The following CDKL4 variants were observed in gnomAD, a reference collection of about 807,000 sequenced individuals.
CDKL4 encodes the protein cyclin-dependent kinase-like 4.
Under a neutral mutation model 42.0 loss-of-function variants are expected in CDKL4, and 44 were observed. The observed-to-expected ratio is 1.05, with a 90% CI of 0.82 to 1.35. The LOEUF (loss-of-function observed/expected upper bound fraction) is 1.35. Among genes scored for constraint, CDKL4 ranks in the 40% most tolerant of loss-of-function variants. The pLI is 0.00. For missense variants in CDKL4, 393 were observed against 369.9 expected (o/e 1.06, Z -0.51); for synonymous variants, 120 against 121.6 (o/e 0.99, Z 0.09).
chr2:39,207,591 G>T (rs1011782407), intron 4 of CDKL4, among the ~76,000 whole-genome samples: 3 of 152,084 alleles, frequency 2.0e-5, no homozygotes, highest in African/African-American at 7.2e-5. Context: ...CCAAGTAAAT[G>T]GATTTACATC....
chr2:39,185,107 A>AATAT (rs201572028), intron 7 of CDKL4, among the ~76,000 whole-genome samples: 5 of 139,236 alleles, frequency 3.6e-5, no homozygotes, highest in African/African-American at 1.4e-4. Flanking sequence ...ATTCATTTTA[A>AATAT]ATATATATAT....
rs1157664313 is a variant in CDKL4, at chr2:39,233,563, C to T, written c.-56-3975G>A. 3.3e-5 allele frequency among the ~76,000 whole-genome samples: 5 copies of T among 152,156 alleles called. 1 individual carries two copies. The highest frequency in any genetic ancestry group is 1.2e-4 in the African/African-American group (5 of 41,438). ...CATCAATGAAAGAAACTGCATTTTA[C>T]TACAGTGACAGAAAACACTCTCTTG... On this transcript the variant is annotated intron_variant, in intron 1 of 9. Coordinates refer to ENST00000451199, the Ensembl canonical transcript of CDKL4.
chr2:39,172,532 G>T (rs1471392812), downstream of CDKL4, among the ~76,000 whole-genome samples: 1 of 152,078 alleles, frequency 6.6e-6, no homozygotes, highest in Non-Finnish European at 1.5e-5. Flanking sequence ...CTGTGGCCTG[G>T]GCCACCCAGG....
At position 39,229,602 on chromosome 2, in the gene CDKL4, T is replaced by C; in HGVS notation, c.-56-14A>G. Reference sequence around the variant, plus strand: ...ACAATGCTGCACCTGGAAAATAAGGTAGACTTGCCTTAATCAAGCTATAAA... The same window carrying C: ...ACAATGCTGCACCTGGAAAATAAGGCAGACTTGCCTTAATCAAGCTATAAA... On this transcript the variant is annotated splice_polypyrimidine_tract_variant and intron_variant, in intron 1 of 9. Coordinates refer to ENST00000451199, the Ensembl canonical transcript of CDKL4. The C allele has an allele frequency of 8.1e-7, 1 of 1,230,526 alleles. No homozygotes were observed. Among genetic ancestry groups the C allele is most frequent in the Non-Finnish European group, 1.1e-6 (1 of 879,052 alleles). The allele number at this position is 1,230,526 out of a possible 1,614,324, so 76.2% of individuals were successfully genotyped here. A position where few individuals can be genotyped will look rare whatever the true frequency, so the allele number is the denominator to read the frequency against.
At chr2:39,169,754 G>T in the CDKL4 span, among the ~76,000 whole-genome samples, 1 of 152,146 alleles carries the variant, frequency 6.6e-6, no homozygotes, top group African/African-American at 2.4e-5. Flanking sequence ...CAAACTTCCA[G>T]ACCAAATGAT....
At chr2:39,191,134 C>A (rs7590889) in intron 5 of CDKL4, among the ~76,000 whole-genome samples, 26 of 152,110 alleles carry the variant, frequency 1.7e-4, no homozygotes, top group Non-Finnish European at 3.4e-4. Context: ...CATGGTGGCT[C>A]ATGCCTCTCA....
intron 4 of CDKL4, among the ~76,000 whole-genome samples, chr2:39,209,129 T>A (rs1257158469): frequency 6.9e-6 from 1 of 144,324 alleles, no homozygotes; most frequent in African/African-American, 2.6e-5. Context: ...AATGAGACTA[T>A]CTCTACAAAA....
downstream of CDKL4, among the ~76,000 whole-genome samples, chr2:39,175,200 T>G (rs1675115958): frequency 6.6e-6 from 1 of 152,196 alleles, no homozygotes; most frequent in African/African-American, 2.4e-5. Context: ...GTACTATCCA[T>G]GAGCTATTCA....
rs1343826091 is a variant in CDKL4, at chr2:39,197,219, C to T, written c.455-6717G>A. On this transcript the variant is annotated intron_variant, in intron 5 of 9. Transcript: ENST00000451199. Reference sequence around the variant, plus strand: ...TCTCAGCAACAGAACTGCACAAGTTCAAGAAAGAACTTCAGCGCTTGAAGA... The same window carrying T: ...TCTCAGCAACAGAACTGCACAAGTTTAAGAAAGAACTTCAGCGCTTGAAGA... 2.0e-5 allele frequency among the ~76,000 whole-genome samples: 3 copies of T among 152,122 alleles called. No homozygotes were observed. In the East Asian group the frequency reaches 5.8e-4, roughly 29 times the overall value.
intron 8 of CDKL4, 27 bp downstream of exon 8, chr2:39,184,564 T>C: frequency 6.5e-7 from 1 of 1,549,312 alleles, no homozygotes. Context: ...TTATAGCTAA[T>C]AAGAGTTATA....
chr2:39,170,457 T>C, the CDKL4 span, among the ~76,000 whole-genome samples: 48 of 152,102 alleles, frequency 3.2e-4, 1 homozygote, highest in African/African-American at 1.2e-3. Context: ...TTTGTTGTTG[T>C]TGTTGTTGTT....
intron 7 of CDKL4, among the ~76,000 whole-genome samples, chr2:39,185,192 A>ACATATG: frequency 2.5e-5 from 2 of 78,660 alleles, no homozygotes; most frequent in African/African-American, 9.6e-5. Context: ...GTGTATATAC[A>ACATATG]TATATATACA....
At chr2:39,216,295 A>G (rs1048643024) in intron 3 of CDKL4, among the ~76,000 whole-genome samples, 3 of 152,166 alleles carry the variant, frequency 2.0e-5, no homozygotes, top group Non-Finnish European at 2.9e-5. Flanking sequence ...AAGAGGGAAG[A>G]GGTGCAGAAT....
At chr2:39,180,751 C>T (rs1215967004) in intron 8 of CDKL4, among the ~76,000 whole-genome samples, 8 of 146,204 alleles carry the variant, frequency 5.5e-5, no homozygotes, top group Non-Finnish European at 1.2e-4. Context: ...AATGCAGTAG[C>T]GCCACCTCGG....
intron 2 of CDKL4, among the ~76,000 whole-genome samples, chr2:39,226,448 TATATATATTATATATATTATATATATATA>T (rs1025973894): frequency 1.5e-4 from 13 of 85,380 alleles, no homozygotes; most frequent in African/African-American, 3.6e-4. Flanking sequence ...ATATATATTA[TATATATATTATATATATTATATATATATA>T]ATATATATTA....
intron 3 of CDKL4, among the ~76,000 whole-genome samples, chr2:39,220,592 T>A (rs961207877): frequency 6.6e-6 from 1 of 152,064 alleles, no homozygotes; most frequent in African/African-American, 2.4e-5. Context: ...TCTGGTTTTT[T>A]TTTTCTTTTT....
At chr2:39,175,225 G>A (rs1675116719), downstream of CDKL4, among the ~76,000 whole-genome samples, 1 of 152,178 alleles carries the variant, frequency 6.6e-6, no homozygotes, top group Non-Finnish European at 1.5e-5. Context: ...ACACACCCAG[G>A]AGGATCGGCT....
chr2:39,170,304 A>G, the CDKL4 span, among the ~76,000 whole-genome samples: 1 of 129,132 alleles, frequency 7.7e-6, no homozygotes, highest in Non-Finnish European at 1.7e-5. Context: ...AAGAAAGAAA[A>G]GAAAAGAAAA....
At chr2:39,220,107 A>G (rs1347900701) in intron 3 of CDKL4, among the ~76,000 whole-genome samples, 2 of 152,202 alleles carry the variant, frequency 1.3e-5, no homozygotes, top group Non-Finnish European at 2.9e-5. Context: ...GAGGATAATT[A>G]GTTTCTCAGT....
Sources: allele counts gnomAD v4.1 joint callset (sites outside exome capture counted in the v4.1 genomes callset), GRCh38; gene constraint gnomAD v4.1.1; transcripts MANE v1.5; gene names NCBI Gene and HGNC (gene_info 2026-07-23, HGNC 2026-07-21).